Variants in PPARG observed in about 807,000 individuals in gnomAD.
PPARG encodes peroxisome proliferator-activated receptor gamma.
PPARG carries 17 observed loss-of-function variants against 39.2 expected under a neutral mutation model. The ratio of observed to expected loss-of-function variants is 0.43; its 90% confidence interval spans 0.30 to 0.65. The LOEUF (loss-of-function observed/expected upper bound fraction) is 0.65, where lower values mean the gene tolerates loss of function less well. Ranked by LOEUF, PPARG falls within the 30% of genes least tolerant of loss-of-function variation. The pLI is 0.13. For missense variants in PPARG, 406 were observed against 585.9 expected, an observed-to-expected ratio of 0.69 and a Z score of 3.17; for synonymous variants, 223 against 215.7, an observed-to-expected ratio of 1.03 and a Z score of -0.30.
At chr3:12,367,610 A>G (rs527838254) in intron 2 of PPARG, among the ~76,000 whole-genome samples, 1 of 152,068 alleles carries the variant, frequency 6.6e-6, no homozygotes, top group East Asian at 1.9e-4. Context: ...ACACTTTGGG[A>G]GGCTGAGGCG....
intron 2 of PPARG, among the ~76,000 whole-genome samples, chr3:12,367,152 C>G (rs548740009): frequency 1.3e-5 from 2 of 152,180 alleles, no homozygotes; most frequent in South Asian, 4.2e-4. Flanking sequence ...GTTCATTTCA[C>G]CTAGATTATC....
At chr3:12,407,077 T>C (rs899127977) in intron 6 of PPARG, among the ~76,000 whole-genome samples, 4 of 152,190 alleles carry the variant, frequency 2.6e-5, no homozygotes, top group African/African-American at 9.6e-5. Context: ...AATTATAGAA[T>C]AAAATTGTAC....
At chr3:12,366,326 A>G (rs2049015291) in intron 2 of PPARG, among the ~76,000 whole-genome samples, 1 of 151,432 alleles carries the variant, frequency 6.6e-6, no homozygotes, top group African/African-American at 2.4e-5. Flanking sequence ...TACTAGGTCC[A>G]GGAGATTTTT....
chr3:12,430,939 G>A (rs1374146329), intron 7 of PPARG, among the ~76,000 whole-genome samples: 1 of 152,170 alleles, frequency 6.6e-6, no homozygotes, highest in African/African-American at 2.4e-5. Context: ...GGCTTAACAT[G>A]GAGCAAAATG....
At chr3:12,345,403 G>T (rs941432320) in intron 2 of PPARG, among the ~76,000 whole-genome samples, 13 of 152,160 alleles carry the variant, frequency 8.5e-5, no homozygotes, top group Non-Finnish European at 1.8e-4. Flanking sequence ...CACATTAAGT[G>T]ATTCATCATA....
intron 5 of PPARG, among the ~76,000 whole-genome samples, chr3:12,405,124 T>C (rs1442281086): frequency 6.6e-6 from 1 of 152,194 alleles, no homozygotes; most frequent in Non-Finnish European, 1.5e-5. Context: ...AGAAAACATA[T>C]CTGAGTTGAA....
In PPARG at chr3:12,427,492, A is replaced by T. The variant is rs893205499; in HGVS notation, c.1181-6406A>T. On this transcript the variant is annotated intron_variant, in intron 7 of 7. Transcript: ENST00000651735. Reference sequence around the variant, plus strand: ...ACTCCTACTTACACTCCTGACCCCAACCCCATGGAAACTGCCTTTATTCGA... The same window carrying T: ...ACTCCTACTTACACTCCTGACCCCATCCCCATGGAAACTGCCTTTATTCGA... Among the ~76,000 whole-genome samples the T allele has an allele frequency of 3.9e-5, 6 of 152,210 alleles. No homozygotes were observed. The East Asian group carries it at 1.2e-3, about 29-fold the overall frequency.
intron 1 of PPARG, among the ~76,000 whole-genome samples, chr3:12,291,870 T>C (rs1329533224): frequency 6.6e-6 from 1 of 152,226 alleles, no homozygotes; most frequent in Non-Finnish European, 1.5e-5. Flanking sequence ...TTTTGTCATC[T>C]TTGAAACGGA....
Position 12,392,551 on chromosome 3 carries a change from G to T in PPARG, c.391-63G>T, listed in dbSNP as rs2050113780. The T allele has an allele frequency of 3.2e-6, 5 of 1,581,522 alleles. No homozygotes were observed. The East Asian group carries it at 1.1e-4, about 35-fold the overall frequency. On this transcript the variant is annotated intron_variant, in intron 4 of 7. Coordinates refer to ENST00000651735, the MANE Select transcript of PPARG (RefSeq NM_138711.6). ...TTCCCAGGCCAGTATACCTTTCGCTGTAGGTTGCTGCTTCCATGTGTCATA... is the reference window on the plus strand; with the variant it reads ...TTCCCAGGCCAGTATACCTTTCGCTTTAGGTTGCTGCTTCCATGTGTCATA...
chr3:12,364,600 A>C lies in PPARG; in HGVS notation c.-8-15104A>C, dbSNP rs546797171. On this transcript the variant is annotated intron_variant, in intron 2 of 7. Transcript: ENST00000651735. ...GTGATTACTGGATTGTATGGTAAGA[A>C]TATGTTTAGTTTTATAAGAAATGGC... Among the ~76,000 whole-genome samples the C allele has an allele frequency of 2.6e-5, 4 of 152,276 alleles. No homozygotes were observed. In the East Asian group the frequency reaches 5.8e-4, roughly 22 times the overall value.
chr3:12,301,366 C>T (rs1376284523), intron 1 of PPARG, among the ~76,000 whole-genome samples: 1 of 152,198 alleles, frequency 6.6e-6, no homozygotes, highest in Non-Finnish European at 1.5e-5. Context: ...AAAACTGGTT[C>T]TCTTCTTAAA....
chr3:12,372,086 C>G, intron 2 of PPARG: 1 of 721,446 alleles, frequency 1.4e-6, no homozygotes, highest in Non-Finnish European at 2.6e-6. Flanking sequence ...AACAAAACTA[C>G]AAAGGACCTA....
At chr3:12,397,485 A>G (rs1396942046) in intron 5 of PPARG, among the ~76,000 whole-genome samples, 2 of 150,514 alleles carry the variant, frequency 1.3e-5, no homozygotes, top group Non-Finnish European at 3.0e-5. Flanking sequence ...ATCTAGGCTC[A>G]CTGCAAGCTC....
At chr3:12,381,553 C>T (rs1474919952) in intron 4 of PPARG, 62 bp downstream of exon 4, 2 of 1,539,848 alleles carry the variant, frequency 1.3e-6, no homozygotes, top group Admixed American at 1.8e-5. Flanking sequence ...TTCAGCAGAA[C>T]CCCTTTTTTA....
At chr3:12,330,078 G>A (rs971714750) in intron 2 of PPARG, among the ~76,000 whole-genome samples, 1 of 151,926 alleles carries the variant, frequency 6.6e-6, no homozygotes, top group Non-Finnish European at 1.5e-5. Context: ...TTTTGCTATT[G>A]CAGATAATGC....
Position 12,434,183 on chromosome 3 carries a change from C to A in PPARG, c.*38C>A. On this transcript the variant is annotated 3_prime_UTR_variant, in exon 8 of 8. Coordinates refer to ENST00000651735, the MANE Select transcript of PPARG (RefSeq NM_138711.6). This position sits in a 1 kb window ranked among gnomAD's most constrained non-coding sequence, Gnocchi z 4.2. Reference sequence around the variant, plus strand: ...AGCCACTGCCAACATTTCCCTTCTTCCAGTTGCACTATTCTGAGGGAAAAT... The same window carrying A: ...AGCCACTGCCAACATTTCCCTTCTTACAGTTGCACTATTCTGAGGGAAAAT... 6.2e-7 allele frequency: 1 copy of A among 1,613,632 alleles called. No homozygotes were observed. The highest frequency in any genetic ancestry group is 1.7e-5 in the Admixed American group (1 of 60,002).
rs1262655196 is a variant in PPARG, at chr3:12,392,825, T to C, written c.529+73T>C. 5 of 1,567,286 alleles carry C rather than the reference T, an allele frequency of 3.2e-6. No homozygotes were observed. The Admixed American group carries it at 8.4e-5, about 26-fold the overall frequency. ...GCCAGACCAGTGGACACTAAAGCCA[T>C]TGCCAAAAATGTGTACAGTTTTTCC... is the stretch of plus-strand genomic sequence containing the variant. On this transcript the variant is annotated intron_variant, in intron 5 of 7. Coordinates refer to ENST00000651735, the MANE Select transcript of PPARG (RefSeq NM_138711.6).
intron 1 of PPARG, among the ~76,000 whole-genome samples, chr3:12,296,260 A>G (rs2046782756): frequency 6.7e-6 from 1 of 149,734 alleles, no homozygotes; most frequent in Non-Finnish European, 1.5e-5. Flanking sequence ...GTCTCAAAAA[A>G]AAAAAAAAAA....
At chr3:12,405,296 C>T (rs959198150) in intron 5 of PPARG, among the ~76,000 whole-genome samples, 2 of 152,124 alleles carry the variant, frequency 1.3e-5, no homozygotes, top group South Asian at 2.1e-4. Flanking sequence ...TCTGGAGAGT[C>T]GGGAGATAAC....
Sources: gnomAD v4.1 joint callset for allele counts (sites outside exome capture counted in the v4.1 genomes callset) on GRCh38, gnomAD v4.1.1 for gene constraint, Gnocchi (gnomAD v3.1) non-coding constraint, MANE v1.5 for transcripts, NCBI Gene and HGNC (gene_info 2026-07-23, HGNC 2026-07-21) for gene names.